ATRNL1: variants seen among roughly 807,000 people sequenced by gnomAD.
The protein encoded by ATRNL1 is attractin-like protein 1.
Under a neutral mutation model 182.7 loss-of-function variants are expected in ATRNL1, and 95 were observed. That is an observed-to-expected ratio of 0.52 (90% CI 0.44 to 0.62). The LOEUF is 0.62. ATRNL1 is among the 20% of genes least tolerant of loss of function. ATRNL1 has a pLI of 0.00. For synonymous variants in ATRNL1, 576 were observed against 568.3 expected (o/e 1.01, Z -0.19); for missense variants, 1,471 against 1,679.5 (o/e 0.88, Z 2.17).
At chr10:115,412,542 A>G (rs1565014963) in intron 20 of ATRNL1, among the ~76,000 whole-genome samples, 1 of 152,230 alleles carries the variant, frequency 6.6e-6, no homozygotes, top group Non-Finnish European at 1.5e-5. Flanking sequence ...ATAGATAACT[A>G]GTACAAATAT....
chr10:115,660,468 T>A (rs114557373), intron 26 of ATRNL1, among the ~76,000 whole-genome samples: 1,823 of 152,206 alleles, frequency 0.012, 33 homozygotes, highest in African/African-American at 0.041. Flanking sequence ...GGATTGGTAG[T>A]ATGGTTTTAG....
At chr10:115,499,055 CTTTGA>C (rs1173952036) in intron 24 of ATRNL1, among the ~76,000 whole-genome samples, 2 of 151,942 alleles carry the variant, frequency 1.3e-5, no homozygotes, top group African/African-American at 4.8e-5. Context: ...TATTATGAAT[CTTTGA>C]TTTGTGAATT....
At chr10:115,341,273 C>G (rs570802043) in intron 19 of ATRNL1, among the ~76,000 whole-genome samples, 1 of 152,058 alleles carries the variant, frequency 6.6e-6, no homozygotes. Flanking sequence ...TCTTCATTGA[C>G]CCTCTGGTCA....
chr10:115,737,285 A>AG (rs1947982867), intron 27 of ATRNL1, among the ~76,000 whole-genome samples: 1 of 149,272 alleles, frequency 6.7e-6, no homozygotes, highest in Non-Finnish European at 1.5e-5. Context: ...CCCCCCAAAA[A>AG]AAAAGGCTGG....
At chr10:115,616,260 G>T (rs1857423615) in intron 26 of ATRNL1, among the ~76,000 whole-genome samples, 1 of 152,196 alleles carries the variant, frequency 6.6e-6, no homozygotes, top group African/African-American at 2.4e-5. Context: ...TCTGGTGGAA[G>T]AAATTTCTAA....
intron 20 of ATRNL1, among the ~76,000 whole-genome samples, chr10:115,419,122 A>C (rs1456997734): frequency 6.6e-6 from 1 of 152,356 alleles, no homozygotes; most frequent in Admixed American, 6.5e-5. Context: ...TGACATCAAA[A>C]TTCAAAATAT....
intron 8 of ATRNL1, among the ~76,000 whole-genome samples, chr10:115,205,207 A>G (rs1439632812): frequency 5.9e-5 from 9 of 151,986 alleles, no homozygotes; most frequent in African/African-American, 2.2e-4. Flanking sequence ...AATATTTTGA[A>G]TTGTGTCCTT....
chr10:115,243,474 C>G (rs1481917995), intron 10 of ATRNL1, among the ~76,000 whole-genome samples: 3 of 151,974 alleles, frequency 2.0e-5, no homozygotes, highest in Non-Finnish European at 2.9e-5. Flanking sequence ...TAGCATGGTA[C>G]TATTATCCTA....
intron 15 of ATRNL1, among the ~76,000 whole-genome samples, chr10:115,296,321 C>A (rs541115421): frequency 6.6e-6 from 1 of 152,118 alleles, no homozygotes; most frequent in African/African-American, 2.4e-5. Flanking sequence ...ACTCTCCCTT[C>A]GACACTCCAG....
intron 26 of ATRNL1, among the ~76,000 whole-genome samples, chr10:115,629,930 T>C (rs1378746276): frequency 2.0e-5 from 3 of 152,158 alleles, no homozygotes; most frequent in Non-Finnish European, 4.4e-5. Context: ...CAAGTAGTAG[T>C]TAGCTAATAA....
At chr10:115,884,203 A>G (rs1368844085) in intron 28 of ATRNL1, among the ~76,000 whole-genome samples, 1 of 152,164 alleles carries the variant, frequency 6.6e-6, no homozygotes, top group Non-Finnish European at 1.5e-5. Context: ...TATCTGGCCC[A>G]ATATTTCTTT....
chr10:115,240,987 A>G (rs1850397218), intron 9 of ATRNL1, among the ~76,000 whole-genome samples: 1 of 152,088 alleles, frequency 6.6e-6, no homozygotes, highest in African/African-American at 2.4e-5. Context: ...GTACAAAAAC[A>G]GCAAATGAAT....
At chr10:115,389,555 T>TATAC (rs1843887963) in intron 19 of ATRNL1, among the ~76,000 whole-genome samples, 1 of 76,320 alleles carries the variant, frequency 1.3e-5, no homozygotes, top group Non-Finnish European at 3.1e-5. Flanking sequence ...TATATATATA[T>TATAC]ATATATATAT....
At chr10:115,650,593 A>T (rs1365895787) in intron 26 of ATRNL1, among the ~76,000 whole-genome samples, 2 of 152,070 alleles carry the variant, frequency 1.3e-5, no homozygotes, top group African/African-American at 4.8e-5. Flanking sequence ...AGAAAAGCTG[A>T]CCATGTTGAT....
At chr10:115,541,077 A>T (rs1026280179) in intron 25 of ATRNL1, among the ~76,000 whole-genome samples, 3 of 152,216 alleles carry the variant, frequency 2.0e-5, no homozygotes, top group Non-Finnish European at 4.4e-5. Flanking sequence ...CTACAAAAAA[A>T]CCTAACACTT....
chr10:115,242,652 T>C (rs555716535), intron 10 of ATRNL1, among the ~76,000 whole-genome samples: 3 of 152,138 alleles, frequency 2.0e-5, no homozygotes, highest in East Asian at 3.9e-4. Flanking sequence ...TCTGCTTTGG[T>C]AAATTATTTC....
intron 28 of ATRNL1, among the ~76,000 whole-genome samples, chr10:115,897,932 AT>A (rs113910145): frequency 1.3e-3 from 192 of 145,592 alleles, no homozygotes; most frequent in East Asian, 2.2e-3. Flanking sequence ...GGTCATCCTT[AT>A]TTTTTTTTTT....
At chr10:115,588,454 T>A (rs1364569546) in intron 26 of ATRNL1, among the ~76,000 whole-genome samples, 2 of 152,228 alleles carry the variant, frequency 1.3e-5, no homozygotes, top group African/African-American at 4.8e-5. Context: ...AAAACTTTAG[T>A]AAGATGGCCT....
intron 9 of ATRNL1, among the ~76,000 whole-genome samples, chr10:115,225,702 A>T (rs184820510): frequency 1.8e-4 from 27 of 151,252 alleles, no homozygotes; most frequent in Admixed American, 5.3e-4. Flanking sequence ...ATAAAACCTT[A>T]TTGTGAGAAA....
Sources: gnomAD v4.1 joint callset for allele counts (sites outside exome capture counted in the v4.1 genomes callset) on GRCh38, gnomAD v4.1.1 for gene constraint, MANE v1.5 for transcripts, NCBI Gene and HGNC (gene_info 2026-07-23, HGNC 2026-07-21) for gene names.